Variants in LINGO2 observed in about 807,000 individuals in gnomAD.
The protein encoded by LINGO2 is leucine rich repeat and Ig domain containing 2, also known as leucine-rich repeat and immunoglobulin-like domain-containing nogo receptor-interacting protein 2.
In LINGO2, 14 loss-of-function variants were observed where a neutral mutation model predicts 30.6. The ratio of observed to expected loss-of-function variants is 0.46; its 90% CI spans 0.30 to 0.72. The LOEUF is 0.72. Among genes scored for constraint, LINGO2 ranks in the 30% least tolerant of loss-of-function variants. The pLI, the probability that LINGO2 is intolerant of heterozygous loss-of-function variation, is 0.07. For synonymous variants in LINGO2, 317 were observed against 288.5 expected, an observed-to-expected ratio of 1.10 and a Z score of -1.00; for missense variants, 729 against 751.7, an observed-to-expected ratio of 0.97 and a Z score of 0.35.
the LINGO2 span, among the ~76,000 whole-genome samples, chr9:29,082,911 A>G: frequency 2.0e-5 from 3 of 152,156 alleles, 1 homozygote; most frequent in African/African-American, 7.2e-5. Context: ...TAGAATGGCG[A>G]TCATTAAAAA....
the LINGO2 span, among the ~76,000 whole-genome samples, chr9:28,997,460 C>T: frequency 4.6e-5 from 7 of 152,090 alleles, no homozygotes; most frequent in Non-Finnish European, 1.0e-4. Flanking sequence ...ACAAATATAA[C>T]AGTTTGTTAA....
At chr9:28,353,751 C>A (rs1272990435) in intron 3 of LINGO2, among the ~76,000 whole-genome samples, 1 of 152,024 alleles carries the variant, frequency 6.6e-6, no homozygotes. Context: ...TTGGAACCAA[C>A]CCAAATGTCC....
chr9:28,887,590 C>A, the LINGO2 span, among the ~76,000 whole-genome samples: 1 of 152,024 alleles, frequency 6.6e-6, no homozygotes, highest in Non-Finnish European at 1.5e-5. Flanking sequence ...GGAGACATCA[C>A]AACAAGCTAC....
At chr9:29,175,320 T>C in the LINGO2 span, among the ~76,000 whole-genome samples, 1 of 152,190 alleles carries the variant, frequency 6.6e-6, no homozygotes, top group Non-Finnish European at 1.5e-5. Context: ...ATCAATGGAC[T>C]ACTATTTTAT....
the LINGO2 span, among the ~76,000 whole-genome samples, chr9:29,066,181 A>G: frequency 5.9e-5 from 9 of 151,908 alleles, no homozygotes; most frequent in Non-Finnish European, 1.3e-4. Flanking sequence ...TCTTAATTCT[A>G]AATCCCAAAT....
At chr9:28,005,243 T>C (rs963596580) in intron 5 of LINGO2, among the ~76,000 whole-genome samples, 1 of 152,200 alleles carries the variant, frequency 6.6e-6, no homozygotes, top group Non-Finnish European at 1.5e-5. Flanking sequence ...GCATTTTCCA[T>C]AGTGTTATGT....
chr9:29,041,894 C>T, the LINGO2 span, among the ~76,000 whole-genome samples: 3 of 151,776 alleles, frequency 2.0e-5, no homozygotes, highest in Non-Finnish European at 4.4e-5. Flanking sequence ...ATTCACACAC[C>T]CTCTATCTGA....
chr9:28,647,566 T>C (rs1174791530), intron 1 of LINGO2, among the ~76,000 whole-genome samples: 1 of 152,066 alleles, frequency 6.6e-6, no homozygotes, highest in Non-Finnish European at 1.5e-5. Flanking sequence ...TTCCTGGATC[T>C]ATACTTTTAT....
At chr9:28,774,743 C>T in the LINGO2 span, among the ~76,000 whole-genome samples, 5 of 152,242 alleles carry the variant, frequency 3.3e-5, no homozygotes, top group African/African-American at 9.6e-5. Context: ...AAATTACGTT[C>T]AGGAATATCT....
At chr9:28,118,540 A>T (rs1827001269) in intron 4 of LINGO2, among the ~76,000 whole-genome samples, 1 of 152,160 alleles carries the variant, frequency 6.6e-6, no homozygotes, top group Admixed American at 6.5e-5. Context: ...ATCCGTGCAT[A>T]TGAGGAATGA....
At chr9:28,755,976 T>G in the LINGO2 span, among the ~76,000 whole-genome samples, 1 of 152,186 alleles carries the variant, frequency 6.6e-6, no homozygotes, top group Middle Eastern at 3.4e-3. Context: ...CTAATATATT[T>G]GTAATAAGAA....
chr9:28,505,549 T>C (rs752101115), intron 1 of LINGO2, among the ~76,000 whole-genome samples: 1 of 152,122 alleles, frequency 6.6e-6, no homozygotes, highest in Middle Eastern at 3.4e-3. Flanking sequence ...AGACAATTCA[T>C]ATCTTTTTAA....
intron 4 of LINGO2, among the ~76,000 whole-genome samples, chr9:28,230,399 A>C (rs1290966425): frequency 6.6e-6 from 1 of 151,854 alleles, no homozygotes; most frequent in Non-Finnish European, 1.5e-5. Flanking sequence ...ACATGAAACT[A>C]TGATATCAGG....
chr9:29,152,127 C>G, the LINGO2 span, among the ~76,000 whole-genome samples: 1 of 152,082 alleles, frequency 6.6e-6, no homozygotes, highest in Non-Finnish European at 1.5e-5. Context: ...CCATCTCACA[C>G]TGGTCAGAAT....
At chr9:28,896,035 G>T in the LINGO2 span, among the ~76,000 whole-genome samples, 1 of 152,054 alleles carries the variant, frequency 6.6e-6, no homozygotes, top group Non-Finnish European at 1.5e-5. Context: ...AATGCCAAAA[G>T]GATGACAGTC....
chr9:29,104,524 C>A, the LINGO2 span, among the ~76,000 whole-genome samples: 3 of 152,014 alleles, frequency 2.0e-5, no homozygotes, highest in Admixed American at 6.6e-5. Context: ...TATAAATTAC[C>A]CAGTCTCGGG....
the LINGO2 span, among the ~76,000 whole-genome samples, chr9:29,155,881 T>C: frequency 2.2e-3 from 328 of 152,144 alleles, 3 homozygotes; most frequent in African/African-American, 7.5e-3. Context: ...ATCTCCGTGA[T>C]GTTAAAAACT....
At chr9:29,124,452 A>C in the LINGO2 span, among the ~76,000 whole-genome samples, 1 of 152,226 alleles carries the variant, frequency 6.6e-6, no homozygotes, top group Non-Finnish European at 1.5e-5. Flanking sequence ...CAGCAAAAGA[A>C]ACTATCATCA....
At chr9:28,496,479 C>A (rs1182228372) in intron 1 of LINGO2, among the ~76,000 whole-genome samples, 1 of 150,802 alleles carries the variant, frequency 6.6e-6, no homozygotes, top group African/African-American at 2.5e-5. Flanking sequence ...ACTAGGATTG[C>A]AACCCCTGCC....
Sources: allele counts gnomAD v4.1 joint callset (sites outside exome capture counted in the v4.1 genomes callset), GRCh38; gene constraint gnomAD v4.1.1; transcripts MANE v1.5; gene names NCBI Gene and HGNC (gene_info 2026-07-23, HGNC 2026-07-21).